AGMO: variants seen among roughly 807,000 people sequenced by gnomAD.
AGMO encodes the protein glyceryl-ether monooxygenase.
In AGMO, 75 loss-of-function variants were observed where a neutral mutation model predicts 60.2. That is an observed-to-expected ratio of 1.25 (90% CI 1.03 to 1.51). The LOEUF (loss-of-function observed/expected upper bound fraction) is 1.51, where lower values mean the gene tolerates loss of function less well. AGMO is among the 40% of genes most tolerant of loss of function. The probability of loss-of-function intolerance (pLI) is 0.00; values close to 1 mark genes in which losing one functional copy is unlikely to be tolerated. For synonymous variants in AGMO, 261 were observed against 177.1 expected, an observed-to-expected ratio of 1.47 and a Z score of -3.76; for missense variants, 763 against 525.5, an observed-to-expected ratio of 1.45 and a Z score of -4.42.
intron 3 of AGMO, among the ~76,000 whole-genome samples, chr7:15,436,451 A>G (rs1212116963): frequency 6.6e-6 from 1 of 152,178 alleles, no homozygotes; most frequent in Non-Finnish European, 1.5e-5. Context: ...TTATAGGGGC[A>G]TTAATCCATT....
At position 15,521,613 on chromosome 7, in the gene AGMO, T is replaced by C. The variant is rs559718936; in HGVS notation, c.409+23159A>G. Among the ~76,000 whole-genome samples the C allele has an allele frequency of 3.3e-5, 5 of 152,264 alleles. No homozygotes were observed. The South Asian group carries it at 1.0e-3, about 32-fold the overall frequency. On this transcript the variant is annotated intron_variant, in intron 3 of 12. Coordinates refer to ENST00000342526, the MANE Select transcript of AGMO (RefSeq NM_001004320.2). Reference sequence around the variant, plus strand: ...GACAAAAAACACATGATTATCTCAATAGATGCAGAAAAAGCCTTTGATAAA... The same window carrying C: ...GACAAAAAACACATGATTATCTCAACAGATGCAGAAAAAGCCTTTGATAAA...
At chr7:15,202,144 T>C (rs988993068) in intron 12 of AGMO, among the ~76,000 whole-genome samples, 2 of 152,258 alleles carry the variant, frequency 1.3e-5, no homozygotes, top group African/African-American at 2.4e-5. Flanking sequence ...GTTATTGGGA[T>C]AGCTGTGCAG....
At chr7:15,317,832 A>G (rs972831936) in intron 12 of AGMO, among the ~76,000 whole-genome samples, 4 of 143,436 alleles carry the variant, frequency 2.8e-5, no homozygotes, top group Non-Finnish European at 4.6e-5. Context: ...TGAAAGGTTT[A>G]TATTTTTGTC....
At chr7:15,326,435 T>G (rs551355422) in intron 12 of AGMO, among the ~76,000 whole-genome samples, 1 of 152,296 alleles carries the variant, frequency 6.6e-6, no homozygotes, top group Non-Finnish European at 1.5e-5. Context: ...TGAATACAGA[T>G]CTTCCATCAC....
At chr7:15,320,118 T>TA (rs1445741602) in intron 12 of AGMO, among the ~76,000 whole-genome samples, 46 of 118,972 alleles carry the variant, frequency 3.9e-4, no homozygotes, top group Non-Finnish European at 1.8e-5. Flanking sequence ...TGTTGTGGGG[T>TA]GGGGGAGGGG....
chr7:15,500,285 T>C (rs976488873), intron 3 of AGMO, among the ~76,000 whole-genome samples: 5 of 151,902 alleles, frequency 3.3e-5, no homozygotes, highest in African/African-American at 9.7e-5. Flanking sequence ...GAATATTCAA[T>C]GGACAAAAAG....
the AGMO span, among the ~76,000 whole-genome samples, chr7:15,176,804 A>T: frequency 6.6e-6 from 1 of 151,612 alleles, no homozygotes; most frequent in Non-Finnish European, 1.5e-5. Context: ...AATATTTGTA[A>T]CATTTGAGAG....
chr7:15,127,914 G>A, the AGMO span, among the ~76,000 whole-genome samples: 9 of 151,876 alleles, frequency 5.9e-5, no homozygotes, highest in African/African-American at 1.5e-4. Flanking sequence ...GGAATTTACG[G>A]TGTTTTCTTC....
At chr7:15,435,555 T>C (rs1583550110) in intron 3 of AGMO, among the ~76,000 whole-genome samples, 1 of 152,162 alleles carries the variant, frequency 6.6e-6, no homozygotes, top group East Asian at 1.9e-4. Flanking sequence ...TTTGTGCCCA[T>C]ATTTTAAATG....
At chr7:15,202,431 A>T (rs1037383568) in intron 12 of AGMO, among the ~76,000 whole-genome samples, 1 of 144,816 alleles carries the variant, frequency 6.9e-6, no homozygotes, top group East Asian at 2.1e-4. Flanking sequence ...AGGAAAAAAC[A>T]TCACCAACAA....
chr7:15,195,409 G>T (rs911905461), downstream of AGMO, among the ~76,000 whole-genome samples: 1 of 152,216 alleles, frequency 6.6e-6, no homozygotes, highest in Non-Finnish European at 1.5e-5. Context: ...GGCTTGAGGA[G>T]GTAGTGCCTG....
At chr7:15,286,825 A>T (rs1213635812) in intron 12 of AGMO, among the ~76,000 whole-genome samples, 2 of 152,202 alleles carry the variant, frequency 1.3e-5, no homozygotes, top group Admixed American at 1.3e-4. Context: ...AACCAATCTA[A>T]GTACCCATCA....
At position 15,267,285 on chromosome 7, in the gene AGMO, T is replaced by C. The variant is rs78939656; in HGVS notation, c.1264-65926A>G. 8.9e-4 allele frequency among the ~76,000 whole-genome samples: 135 copies of C among 152,142 alleles called. 1 individual carries two copies. In the East Asian group the frequency reaches 0.019, roughly 21 times the overall value. ...TATACTATGTATAATTATAATGAGATATACTGACTACACTGAAATGTTCTA... is the reference window on the plus strand; with the variant it reads ...TATACTATGTATAATTATAATGAGACATACTGACTACACTGAAATGTTCTA... On this transcript the variant is annotated intron_variant, in intron 12 of 12. Transcript: ENST00000342526.
In AGMO at chr7:15,530,281, CAT is replaced by C. The variant is rs373336809; in HGVS notation, c.409+14489_409+14490del. ...TATAGATATTCTATATACGTATTTCCATATATATTCTATATACGTATTTCCAT... is the reference window on the plus strand; with the variant it reads ...TATAGATATTCTATATACGTATTTCCATATATTCTATATACGTATTTCCAT... On this transcript the variant is annotated intron_variant, in intron 3 of 12. Transcript: ENST00000342526. Among the ~76,000 whole-genome samples, 5 of 17,378 alleles carry C rather than the reference CAT, an allele frequency of 2.9e-4. 1 individual carries two copies. In the East Asian group the frequency reaches 0.028, roughly 99 times the overall value. The allele number at this position is 17,378 out of a possible 152,430, so 11.4% of individuals were successfully genotyped here. A position where few individuals can be genotyped will look rare whatever the true frequency, so the allele number is the denominator to read the frequency against.
chr7:15,210,620 G>A (rs769278770), intron 12 of AGMO, among the ~76,000 whole-genome samples: 3 of 152,032 alleles, frequency 2.0e-5, no homozygotes, highest in Non-Finnish European at 4.4e-5. Context: ...GTAACTAACT[G>A]TTCAATTTCC....
chr7:15,324,341 C>T (rs1019750155), intron 12 of AGMO, among the ~76,000 whole-genome samples: 3 of 152,140 alleles, frequency 2.0e-5, no homozygotes, highest in Non-Finnish European at 4.4e-5. Context: ...CCTGTAAGTT[C>T]CAGATCCCAA....
chr7:15,404,294 A>T lies in AGMO; in HGVS notation c.610-10115T>A, dbSNP rs1287383575. On this transcript the variant is annotated intron_variant, in intron 5 of 12. Coordinates refer to ENST00000342526, the MANE Select transcript of AGMO (RefSeq NM_001004320.2). ...TCTTGAAGGCTGATTCTTGTCACTT[A>T]TGATTACATTATTCTTCAAACAAAA... 5.3e-5 allele frequency among the ~76,000 whole-genome samples: 8 copies of T among 152,030 alleles called. No homozygotes were observed. In the East Asian group the frequency reaches 1.5e-3, roughly 29 times the overall value.
At chr7:15,404,922 C>T (rs1208030400) in intron 5 of AGMO, among the ~76,000 whole-genome samples, 1 of 151,776 alleles carries the variant, frequency 6.6e-6, no homozygotes, top group African/African-American at 2.4e-5. Flanking sequence ...GCTTTGTCAT[C>T]CATTATAAAC....
At position 15,298,742 on chromosome 7, in the gene AGMO, T is replaced by C. The variant is rs1205923912; in HGVS notation, c.1263+66772A>G. On this transcript the variant is annotated intron_variant, in intron 12 of 12. Coordinates refer to ENST00000342526, the MANE Select transcript of AGMO (RefSeq NM_001004320.2). ...CAAGCCACTCATTAATTTTAAGCTATAGCCTATTAATTGTCATACCTGCCT... is the reference window on the plus strand; with the variant it reads ...CAAGCCACTCATTAATTTTAAGCTACAGCCTATTAATTGTCATACCTGCCT... 3.9e-5 allele frequency among the ~76,000 whole-genome samples: 6 copies of C among 152,114 alleles called. 1 individual carries two copies. The highest frequency in any genetic ancestry group is 9.7e-5 in the African/African-American group (4 of 41,428).
Sources: allele counts gnomAD v4.1 joint callset (sites outside exome capture counted in the v4.1 genomes callset), GRCh38; gene constraint gnomAD v4.1.1; transcripts MANE v1.5; gene names NCBI Gene and HGNC (gene_info 2026-07-23, HGNC 2026-07-21).